Variants in EFHD1 observed in about 807,000 individuals in gnomAD.
The protein encoded by EFHD1 is EF-hand domain-containing protein D1.
Under a neutral mutation model 17.2 loss-of-function variants are expected in EFHD1, and 10 were observed. That is an observed-to-expected ratio of 0.58 (90% CI 0.36 to 0.99). EFHD1 has a LOEUF of 0.99. Ranked by LOEUF, EFHD1 falls within the 50% of genes least tolerant of loss-of-function variation. The probability of loss-of-function intolerance (pLI) is 0.01; values close to 1 mark genes in which losing one functional copy is unlikely to be tolerated. For synonymous variants in EFHD1, 153 were observed against 142.0 expected, an observed-to-expected ratio of 1.08 and a Z score of -0.55; for missense variants, 310 against 327.5, an observed-to-expected ratio of 0.95 and a Z score of 0.41.
chr2:232,670,907 A>G (rs781456035), intron 2 of EFHD1, among the ~76,000 whole-genome samples: 21 of 152,230 alleles, frequency 1.4e-4, no homozygotes, highest in Non-Finnish European at 2.6e-4. Context: ...GAGACACACA[A>G]GAAAAGTACA....
intron 3 of EFHD1, among the ~76,000 whole-genome samples, chr2:232,676,260 A>C (rs1695169999): frequency 6.6e-6 from 1 of 152,130 alleles, no homozygotes; most frequent in African/African-American, 2.4e-5. Context: ...GTTTGGTTTC[A>C]AGTGTGAGGT....
chr2:232,621,242 T>C (rs1460689952), intron 1 of EFHD1, among the ~76,000 whole-genome samples: 1 of 152,144 alleles, frequency 6.6e-6, no homozygotes, highest in Non-Finnish European at 1.5e-5. Flanking sequence ...TGGCGTAGTC[T>C]GTGCCTGCAG....
chr2:232,678,611 C>T (rs1426411001), intron 3 of EFHD1, among the ~76,000 whole-genome samples: 1 of 152,020 alleles, frequency 6.6e-6, no homozygotes, highest in Non-Finnish European at 1.5e-5. Context: ...ATGGAGAAAC[C>T]TCGTCTCTAC....
rs368945964 is a variant in EFHD1, at chr2:232,633,718, A to C, written c.14A>C (p.Glu5Ala). 6.8e-7 allele frequency: 1 copy of C among 1,465,018 alleles called. No individual in the cohort carries two copies. The highest frequency in any genetic ancestry group is 9.0e-7 in the Non-Finnish European group (1 of 1,116,940). The allele number at this position is 1,465,018 out of a possible 1,614,324, so 90.8% of individuals were successfully genotyped here. The change falls in exon 1 of 4, where the codon GAG becomes GCG. Residue 5 changes from glutamate (E) to alanine (A), a missense_variant. Transcript: ENST00000264059. MASE[E>A]LACKLERRLR... is the part of the protein sequence containing the mutation. ...CGATCCGCCGCCATGGCCAGTGAGGAGCTGGCGTGCAAGCTGGAGCGCCGG... is the reference window on the plus strand; with the variant it reads ...CGATCCGCCGCCATGGCCAGTGAGGCGCTGGCGTGCAAGCTGGAGCGCCGG...
At chr2:232,639,924 T>A (rs1694395996) in intron 1 of EFHD1, among the ~76,000 whole-genome samples, 2 of 152,106 alleles carry the variant, frequency 1.3e-5, no homozygotes, top group Non-Finnish European at 1.5e-5. Flanking sequence ...CCACAGCCAC[T>A]TTTCGGGTGA....
At chr2:232,622,916 G>T (rs146964627) in intron 1 of EFHD1, among the ~76,000 whole-genome samples, 1 of 152,230 alleles carries the variant, frequency 6.6e-6, no homozygotes, top group Non-Finnish European at 1.5e-5. Context: ...TTGATTACAT[G>T]TAGGGATGAT....
intron 1 of EFHD1, among the ~76,000 whole-genome samples, chr2:232,649,030 T>C (rs541883112): frequency 1.3e-5 from 2 of 152,286 alleles, no homozygotes; most frequent in African/African-American, 4.8e-5. Flanking sequence ...GGACAAAGGC[T>C]GGCCAGCTTC....
intron 1 of EFHD1, among the ~76,000 whole-genome samples, chr2:232,659,405 G>A (rs1462025950): frequency 6.6e-6 from 1 of 152,220 alleles, no homozygotes; most frequent in African/African-American, 2.4e-5. Context: ...TGTGGGGGAA[G>A]CAGGTGGCTC....
chr2:232,644,261 C>T (rs1276994427), intron 1 of EFHD1, among the ~76,000 whole-genome samples: 1 of 152,154 alleles, frequency 6.6e-6, no homozygotes, highest in East Asian at 1.9e-4. Context: ...TCTCCCCAGA[C>T]CCCCTCCCCA....
chr2:232,611,711 CAA>C (rs1473508758), intron 1 of EFHD1: 3 of 152,328 alleles, frequency 2.0e-5, no homozygotes, highest in Non-Finnish European at 2.9e-5. Flanking sequence ...TGCCCACGCC[CAA>C]GAGAGAGGGC....
chr2:232,614,084 T>TGCACACACATTATACACAC (rs1179788985), intron 1 of EFHD1, among the ~76,000 whole-genome samples: 52 of 148,466 alleles, frequency 3.5e-4, no homozygotes, highest in East Asian at 1.2e-3. Context: ...TATACACACA[T>TGCACACACATTATACACAC]ATATACACAC....
At position 232,633,723 on chromosome 2, in the gene EFHD1, G is replaced by C; in HGVS notation, c.19G>C (p.Ala7Pro). Residue 7 changes from alanine (A) to proline (P), a missense_variant, in exon 1 of 4, where the codon GCG becomes CCG. Ala to Pro is a conservative substitution (Grantham distance 27). Coordinates refer to ENST00000264059, the MANE Select transcript of EFHD1 (RefSeq NM_025202.4). The part of the protein sequence containing the change: MASEEL[A>P]CKLERRLRRE... The stretch of plus-strand genomic sequence containing the variant: ...CGCCGCCATGGCCAGTGAGGAGCTG[G>C]CGTGCAAGCTGGAGCGCCGGCTGCG... 1 of 1,466,928 alleles carries C rather than the reference G, an allele frequency of 6.8e-7. No individual in the cohort carries two copies. Among genetic ancestry groups the C allele is most frequent in the African/African-American group, 1.5e-5 (1 of 68,032 alleles). The allele number at this position is 1,466,928 out of a possible 1,614,324, so 90.9% of individuals were successfully genotyped here.
chr2:232,634,794 T>C (rs1227177222), intron 1 of EFHD1, among the ~76,000 whole-genome samples: 1 of 152,210 alleles, frequency 6.6e-6, no homozygotes, highest in Non-Finnish European at 1.5e-5. Flanking sequence ...GCAGTAACAG[T>C]CCCTGCCTTT....
At chr2:232,669,618 T>TC (rs1482893844) in intron 2 of EFHD1, among the ~76,000 whole-genome samples, 2 of 151,800 alleles carry the variant, frequency 1.3e-5, no homozygotes, top group East Asian at 3.9e-4. Flanking sequence ...TTTTTTTTTT[T>TC]TAGACAGAGT....
intron 2 of EFHD1, among the ~76,000 whole-genome samples, chr2:232,665,680 C>T (rs546025372): frequency 6.6e-6 from 1 of 152,304 alleles, no homozygotes; most frequent in South Asian, 2.1e-4. Flanking sequence ...CTTTGGCCTC[C>T]CAAAGTGCTG....
rs1695289506 is a variant in EFHD1, at chr2:232,681,852, C to G, written c.*133C>G. The stretch of plus-strand genomic sequence containing the variant: ...TCCATCCACCACCCCGTGCCAGCTC[C>G]CGTGCCAGCCTTCATTCCTCCCAGT... On this transcript the variant is annotated 3_prime_UTR_variant, in exon 4 of 4. Transcript: ENST00000264059. 2 of 1,368,408 alleles carry G rather than the reference C, an allele frequency of 1.5e-6. No homozygotes were observed. The highest frequency in any genetic ancestry group is 3.0e-5 in the South Asian group (2 of 67,164). The allele number at this position is 1,368,408 out of a possible 1,614,324, so 84.8% of individuals were successfully genotyped here.
At position 232,681,662 on chromosome 2, in the gene EFHD1, GGA is replaced by G. The variant is rs1559359694; in HGVS notation, c.667_668del (p.Arg223AlafsTer50). The G allele has an allele frequency of 6.2e-7, 1 of 1,614,272 alleles. No homozygotes were observed. Among genetic ancestry groups the G allele is most frequent in the Admixed American group, 1.7e-5 (1 of 60,036 alleles). ...EQDERKREEE[E>X]RRLRQAAFQK... is the part of the protein sequence containing the mutation. The stretch of plus-strand genomic sequence containing the variant: ...AAGATGAGCGGAAGCGGGAGGAGGA[GGA>G]GAGGCGGCTCCGCCAGGCAGCCTTC... On this transcript the variant is annotated frameshift_variant, in exon 4 of 4. Coordinates refer to ENST00000264059, the MANE Select transcript of EFHD1 (RefSeq NM_025202.4). LOFTEE classifies it high-confidence loss of function.
chr2:232,654,329 G>A (rs892433453), intron 1 of EFHD1, among the ~76,000 whole-genome samples: 3 of 151,800 alleles, frequency 2.0e-5, no homozygotes, highest in Non-Finnish European at 4.4e-5. Flanking sequence ...CAGGCTTTGG[G>A]GCCTGAAAGG....
chr2:232,671,927 C>T (rs887624664), intron 2 of EFHD1, among the ~76,000 whole-genome samples: 1 of 151,240 alleles, frequency 6.6e-6, no homozygotes, highest in Non-Finnish European at 1.5e-5. Context: ...CATGGTGGCA[C>T]ACACCTGTAA....
Sources: gnomAD v4.1 joint callset for allele counts (sites outside exome capture counted in the v4.1 genomes callset) on GRCh38, gnomAD v4.1.1 for gene constraint, MANE v1.5 for transcripts, NCBI Gene and HGNC (gene_info 2026-07-23, HGNC 2026-07-21) for gene names.